Variants in AHCTF1 observed in about 807,000 individuals in gnomAD.
The protein encoded by AHCTF1 is AT-hook containing transcription factor 1.
Under a neutral mutation model 248.4 loss-of-function variants are expected in AHCTF1, and 24 were observed. The ratio of observed to expected loss-of-function variants is 0.10; its 90% CI spans 0.07 to 0.14. AHCTF1 has a LOEUF of 0.14. AHCTF1 is among the 10% of genes least tolerant of loss of function. The pLI is 1.00. For missense variants in AHCTF1, 2,206 were observed against 2,636.2 expected, an observed-to-expected ratio of 0.84 and a Z score of 3.57; for synonymous variants, 786 against 929.8, an observed-to-expected ratio of 0.85 and a Z score of 2.81.
At chr1:246,848,974 C>T (rs1320432695) in intron 33 of AHCTF1, among the ~76,000 whole-genome samples, 1 of 152,066 alleles carries the variant, frequency 6.6e-6, no homozygotes, top group African/African-American at 2.4e-5. Flanking sequence ...TTTAAAGCAC[C>T]CCCTATTAAA....
intron 24 of AHCTF1, among the ~76,000 whole-genome samples, chr1:246,868,503 C>A (rs1322017900): frequency 6.6e-6 from 1 of 151,946 alleles, no homozygotes; most frequent in Non-Finnish European, 1.5e-5. Flanking sequence ...GATCCTCCCT[C>A]CTCGGCCTCT....
At chr1:246,897,309 G>C (rs1461750375) in intron 12 of AHCTF1, among the ~76,000 whole-genome samples, 1 of 151,994 alleles carries the variant, frequency 6.6e-6, no homozygotes. Context: ...CCGAGATGCT[G>C]TCTCAAAAAA....
intron 33 of AHCTF1, among the ~76,000 whole-genome samples, chr1:246,847,347 CA>C (rs1660353122): frequency 6.6e-6 from 1 of 151,190 alleles, no homozygotes; most frequent in Non-Finnish European, 1.5e-5. Flanking sequence ...AGTAGGGGGA[CA>C]AAAGCAGAAT....
At chr1:246,924,081 G>C (rs1666765906) in intron 1 of AHCTF1, among the ~76,000 whole-genome samples, 1 of 152,102 alleles carries the variant, frequency 6.6e-6, no homozygotes. Flanking sequence ...AGTACAGAAA[G>C]GACTACATTC....
In AHCTF1 at chr1:246,898,213, T is replaced by G. The variant is rs769794584; in HGVS notation, c.1618A>C (p.Ser540Arg). The change falls in exon 12 of 36, where the codon AGC becomes CGC. Residue 540 changes from serine (S) to arginine (R), a missense_variant. By Grantham distance (110) the Ser-to-Arg change is moderately radical. This residue lies in a region of AHCTF1 where 650 missense variants were observed against 870.8 expected (regional missense o/e 0.75). Coordinates refer to ENST00000648844, the MANE Select transcript of AHCTF1 (RefSeq NM_001323342.2). ...AGAGTTAAAAATCATCTCACTTGGC[T>G]TAAACTGGAAGGCTGAACATCAACA... ...RFVDVQPSSL[S>R]QEEQLEAILS... The G allele has an allele frequency of 6.2e-7, 1 of 1,612,088 alleles. No homozygotes were observed. The highest frequency in any genetic ancestry group is 8.5e-7 in the Non-Finnish European group (1 of 1,179,936).
chr1:246,907,539 A>T lies in AHCTF1; in HGVS notation c.764+12T>A. On this transcript the variant is annotated intron_variant, in intron 5 of 35. Coordinates refer to ENST00000648844, the MANE Select transcript of AHCTF1 (RefSeq NM_001323342.2). Reference sequence around the variant, plus strand: ...TACCTATAATCAAATAAGGGAAAAAAGTTATACTTACTCTCTTTTCATGCT... The same window carrying T: ...TACCTATAATCAAATAAGGGAAAAATGTTATACTTACTCTCTTTTCATGCT... 1 of 1,609,020 alleles carries T rather than the reference A, an allele frequency of 6.2e-7. No individual in the cohort carries two copies. Among genetic ancestry groups the T allele is most frequent in the South Asian group, 1.1e-5 (1 of 90,236 alleles).
At chr1:246,841,714 T>C (rs190783816) in intron 35 of AHCTF1, among the ~76,000 whole-genome samples, 14 of 152,156 alleles carry the variant, frequency 9.2e-5, no homozygotes, top group Non-Finnish European at 1.5e-4. Flanking sequence ...CCTTTCCTAC[T>C]TTTTCTGCAA....
rs1190157531 is a variant in AHCTF1, at chr1:246,843,886, G to A, written c.6434C>T (p.Ser2145Leu). 13 of 1,499,644 alleles carry A rather than the reference G, an allele frequency of 8.7e-6. No homozygotes were observed. The highest frequency in any genetic ancestry group is 4.5e-5 in the Admixed American group (2 of 44,724). The allele number at this position is 1,499,644 out of a possible 1,614,324, so 92.9% of individuals were successfully genotyped here. ...EVPAQLKELV[S>L]DLSSQFVISP... ...GATGACAAACTGAGAAGATAAATCC[G>A]AAACTAATTCTTTCAGCTGTGCAGG... Residue 2145 changes from serine (S) to leucine (L), a missense_variant, in exon 34 of 36, where the codon TCG becomes TTG. By Grantham distance (145) the Ser-to-Leu change is moderately radical. This residue lies in a region of AHCTF1 where 469 missense variants were observed against 470.0 expected (regional missense o/e 1.00). Transcript: ENST00000648844.
Position 246,859,232 on chromosome 1 carries a change from G to A in AHCTF1, c.4133-1418C>T, listed in dbSNP as rs191784203. On this transcript the variant is annotated intron_variant, in intron 29 of 35. Transcript: ENST00000648844. Reference sequence around the variant, plus strand: ...AACTACTTAAGATGCAGATTTTTATGTAAGTATGTAGTTTTACAGCTTTAG... The same window carrying A: ...AACTACTTAAGATGCAGATTTTTATATAAGTATGTAGTTTTACAGCTTTAG... Among the ~76,000 whole-genome samples the A allele has an allele frequency of 9.2e-5, 14 of 152,290 alleles. No homozygotes were observed. In the East Asian group the frequency reaches 2.7e-3, roughly 29 times the overall value.
chr1:246,898,760 A>G (rs1206791027), intron 11 of AHCTF1, among the ~76,000 whole-genome samples: 10 of 152,220 alleles, frequency 6.6e-5, no homozygotes, highest in African/African-American at 1.2e-4. Context: ...ACGATTATCA[A>G]TGAAAAGGTC....
chr1:246,928,032 G>A (rs1006521394), intron 1 of AHCTF1, among the ~76,000 whole-genome samples: 2 of 151,660 alleles, frequency 1.3e-5, no homozygotes, highest in African/African-American at 4.8e-5. Flanking sequence ...ATTAAATACT[G>A]TTCGGCCGGG....
chr1:246,922,834 A>T (rs1378309061), intron 1 of AHCTF1, among the ~76,000 whole-genome samples: 60 of 150,992 alleles, frequency 4.0e-4, no homozygotes, highest in South Asian at 1.3e-3. Flanking sequence ...TACAAAAAAA[A>T]TAGCCGGGCG....
At position 246,907,747 on chromosome 1, in the gene AHCTF1, G is replaced by A; in HGVS notation, c.568C>T (p.Leu190=). 1 of 1,612,360 alleles carries A rather than the reference G, an allele frequency of 6.2e-7. No homozygotes were observed. Among genetic ancestry groups the A allele is most frequent in the Non-Finnish European group, 8.5e-7 (1 of 1,179,562 alleles). The change falls in exon 5 of 36, where the codon CTA becomes TTA. Residue 190 remains leucine (L), a synonymous_variant. Transcript: ENST00000648844. ...NEVEASDLEV[L]TGIPAEVPHI... is the part of the protein sequence containing the mutation. ...GGTACTTCAGCTGGGATACCAGTTA[G>A]AACTTCAAGATCTAAAACCACAAAT...
Position 246,900,536 on chromosome 1 carries a change from T to C in AHCTF1, c.1118-67A>G, listed in dbSNP as rs184136551. ...TCAAAGTAAAATCACCTCAACAGAATTATAGCAAGATTTTCTCATAAATTA... is the reference window on the plus strand; with the variant it reads ...TCAAAGTAAAATCACCTCAACAGAACTATAGCAAGATTTTCTCATAAATTA... On this transcript the variant is annotated intron_variant, in intron 8 of 35. Coordinates refer to ENST00000648844, the MANE Select transcript of AHCTF1 (RefSeq NM_001323342.2). The C allele has an allele frequency of 3.4e-5, 50 of 1,472,938 alleles. No individual in the cohort carries two copies. In the African/African-American group the frequency reaches 6.2e-4, roughly 18 times the overall value. 91.2% of individuals were successfully genotyped at this position (1,472,938 alleles called of 1,614,324 possible).
In AHCTF1 at chr1:246,921,234, GA is replaced by G. The variant is rs1026643896; in HGVS notation, c.-7-2858del. ...ATGACAAAACTATGAAAAAAACAAAGAAAAAATAAACACAGAATGCACAGTG... is the reference window on the plus strand; with the variant it reads ...ATGACAAAACTATGAAAAAAACAAAGAAAAATAAACACAGAATGCACAGTG... On this transcript the variant is annotated intron_variant, in intron 1 of 35. Coordinates refer to ENST00000648844, the MANE Select transcript of AHCTF1 (RefSeq NM_001323342.2). Among the ~76,000 whole-genome samples the G allele has an allele frequency of 6.6e-5, 10 of 152,100 alleles. No homozygotes were observed. In the East Asian group the frequency reaches 1.9e-3, roughly 29 times the overall value.
Position 246,864,783 on chromosome 1 carries a change from T to C in AHCTF1, c.3348-667A>G, listed in dbSNP as rs1319719032. On this transcript the variant is annotated intron_variant, in intron 26 of 35. Coordinates refer to ENST00000648844, the MANE Select transcript of AHCTF1 (RefSeq NM_001323342.2). ...TGAACCCGGGAAGCGGAGCTTGCAG[T>C]GAGCCGAGATTGCGCCACTGCAGTC... Among the ~76,000 whole-genome samples the C allele has an allele frequency of 1.1e-4, 3 of 27,094 alleles. 1 individual carries two copies. The allele number at this position is 27,094 out of a possible 152,430, so 17.8% of individuals were successfully genotyped here. A position where few individuals can be genotyped will look rare whatever the true frequency, so the allele number is the denominator to read the frequency against.
At chr1:246,882,163 A>G (rs1663489894) in intron 21 of AHCTF1, among the ~76,000 whole-genome samples, 1 of 151,146 alleles carries the variant, frequency 6.6e-6, no homozygotes, top group South Asian at 2.1e-4. Flanking sequence ...TCGCCCAGCT[A>G]ATTTTTTGTA....
chr1:246,874,557 A>T (rs1238116243), intron 24 of AHCTF1, among the ~76,000 whole-genome samples: 1 of 152,128 alleles, frequency 6.6e-6, no homozygotes. Flanking sequence ...CGGCCACCCA[A>T]AAAAATATAA....
At chr1:246,878,292 T>G (rs1466634605) in intron 21 of AHCTF1, among the ~76,000 whole-genome samples, 1 of 146,338 alleles carries the variant, frequency 6.8e-6, no homozygotes, top group Non-Finnish European at 1.5e-5. Context: ...AGCTATTCAG[T>G]AGGCTAAGGT....
Sources: gnomAD v4.1 joint callset for allele counts (sites outside exome capture counted in the v4.1 genomes callset) on GRCh38, gnomAD v4.1.1 for gene constraint, gnomAD v4.1.1 regional missense constraint, MANE v1.5 for transcripts, NCBI Gene and HGNC (gene_info 2026-07-23, HGNC 2026-07-21) for gene names.